The following OTUD7A variants were observed in gnomAD, a reference collection of about 807,000 sequenced individuals.
The protein encoded by OTUD7A is OTU domain-containing protein 7A.
OTUD7A carries 12 observed loss-of-function variants against 65.7 expected under a neutral mutation model. That is an observed-to-expected ratio of 0.18 (90% CI 0.12 to 0.30). The LOEUF (loss-of-function observed/expected upper bound fraction) is 0.30, where lower values mean the gene tolerates loss of function less well. OTUD7A is among the 10% of genes least tolerant of loss of function. The pLI is 1.00. For missense variants in OTUD7A, 1,148 were observed against 1,304.8 expected, an observed-to-expected ratio of 0.88 and a Z score of 1.85; for synonymous variants, 641 against 586.3, an observed-to-expected ratio of 1.09 and a Z score of -1.35.
intron 1 of OTUD7A, among the ~76,000 whole-genome samples, chr15:31,694,199 G>A (rs1349588058): frequency 9.2e-5 from 14 of 152,152 alleles, no homozygotes; most frequent in African/African-American, 2.4e-4. Context: ...CCCACGCAGC[G>A]CAGGTGTGTG....
At chr15:31,576,584 T>C (rs1478709628) in intron 3 of OTUD7A, among the ~76,000 whole-genome samples, 11 of 152,184 alleles carry the variant, frequency 7.2e-5, no homozygotes, top group Non-Finnish European at 1.2e-4. Context: ...CATGTCTCCC[T>C]AAAGTGTATA....
intron 5 of OTUD7A, chr15:31,557,383 CCTT>C (rs756387059): frequency 6.6e-5 from 10 of 152,308 alleles, no homozygotes; most frequent in Non-Finnish European, 1.5e-4. Flanking sequence ...TACCGTCTAT[CCTT>C]CTCCATGCTG....
intron 1 of OTUD7A, among the ~76,000 whole-genome samples, chr15:31,694,608 A>C (rs1488218668): frequency 1.3e-5 from 2 of 151,996 alleles, no homozygotes; most frequent in Admixed American, 6.5e-5. Flanking sequence ...CCTTTGACCA[A>C]CATCTCAACC....
chr15:31,727,776 C>T (rs1463066254), intron 1 of OTUD7A, among the ~76,000 whole-genome samples: 1 of 152,174 alleles, frequency 6.6e-6, no homozygotes, highest in African/African-American at 2.4e-5. Context: ...CTTCCTTGAA[C>T]ATTCTCCTCT....
intron 3 of OTUD7A, among the ~76,000 whole-genome samples, chr15:31,653,121 C>T (rs1217095835): frequency 5.9e-5 from 9 of 151,706 alleles, no homozygotes; most frequent in Non-Finnish European, 1.0e-4. Context: ...TGGTGATGCG[C>T]GGCTGTAATC....
At chr15:31,647,330 G>A (rs2141269218) in intron 3 of OTUD7A, among the ~76,000 whole-genome samples, 1 of 152,332 alleles carries the variant, frequency 6.6e-6, no homozygotes, top group African/African-American at 2.4e-5. Context: ...CGTGAATTCT[G>A]CTAAATCAGT....
chr15:31,489,113 CTA>C (rs1160722771), intron 10 of OTUD7A, among the ~76,000 whole-genome samples: 1 of 152,108 alleles, frequency 6.6e-6, no homozygotes, highest in Non-Finnish European at 1.5e-5. Context: ...TCCCATAGTT[CTA>C]TGAGTCACTA....
chr15:31,519,011 G>C (rs971619481), intron 8 of OTUD7A, among the ~76,000 whole-genome samples: 2 of 152,258 alleles, frequency 1.3e-5, no homozygotes, highest in Non-Finnish European at 2.9e-5. Flanking sequence ...CCTTCTAGCA[G>C]TGGCCAGTGT....
At position 31,719,398 on chromosome 15, in the gene OTUD7A, A is replaced by G. The variant is rs537418127; in HGVS notation, c.-99-62321T>C. ...TTCCTTGCAAATCAAACTCTCCTGT[A>G]ATCTTCCACATCTCTGATCAGGGCA... is the stretch of plus-strand genomic sequence containing the variant. On this transcript the variant is annotated intron_variant, in intron 1 of 12. Transcript: ENST00000307050. 8.1e-3 allele frequency among the ~76,000 whole-genome samples: 1,233 copies of G among 152,004 alleles called. 14 individuals carry two copies. Among genetic ancestry groups the G allele is most frequent in the African/African-American group, 0.028 (1,177 of 41,390 alleles).
intron 4 of OTUD7A, among the ~76,000 whole-genome samples, chr15:31,561,277 T>C (rs1888679812): frequency 6.6e-6 from 1 of 152,202 alleles, no homozygotes. Context: ...GGTCCTTGAG[T>C]GCAGGAGCAG....
At chr15:31,604,500 G>A (rs989336169) in intron 3 of OTUD7A, among the ~76,000 whole-genome samples, 2 of 152,148 alleles carry the variant, frequency 1.3e-5, no homozygotes, top group African/African-American at 2.4e-5. Context: ...TGTAGATGAC[G>A]GGTTGATGGG....
chr15:31,714,116 T>C (rs919052332), intron 1 of OTUD7A, among the ~76,000 whole-genome samples: 2 of 146,186 alleles, frequency 1.4e-5, no homozygotes, highest in African/African-American at 4.9e-5. Context: ...GCCAGTACTT[T>C]CAGCACTCGG....
At chr15:31,736,016 T>C (rs536984901) in intron 1 of OTUD7A, among the ~76,000 whole-genome samples, 3 of 152,112 alleles carry the variant, frequency 2.0e-5, no homozygotes, top group Non-Finnish European at 4.4e-5. Context: ...ATGATGAGAA[T>C]ACATGGACAC....
At chr15:31,501,862 G>C (rs2141081795) in intron 9 of OTUD7A, 23 bp from the exon 10 acceptor site, 2 of 1,591,560 alleles carry the variant, frequency 1.3e-6, no homozygotes, top group Non-Finnish European at 1.7e-6. Context: ...ACCAGGGTGA[G>C]GGTGTGAGGA....
intron 4 of OTUD7A, among the ~76,000 whole-genome samples, chr15:31,561,784 T>TCACACACACACACACACACACA (rs3075495): frequency 1.1e-4 from 17 of 150,526 alleles, no homozygotes; most frequent in African/African-American, 4.1e-4. Flanking sequence ...ACACACAGAG[T>TCACACACACACACACACACACA]CACACACACA....
intron 1 of OTUD7A, among the ~76,000 whole-genome samples, chr15:31,802,145 A>G (rs1239736037): frequency 6.9e-6 from 1 of 144,428 alleles, no homozygotes; most frequent in African/African-American, 2.5e-5. Flanking sequence ...GTGTGTGTAT[A>G]TATATATATG....
At chr15:31,760,573 A>G (rs1034345215) in intron 1 of OTUD7A, among the ~76,000 whole-genome samples, 5 of 152,230 alleles carry the variant, frequency 3.3e-5, no homozygotes, top group Non-Finnish European at 7.4e-5. Flanking sequence ...GTTGCTGTTA[A>G]AAGATATCCC....
At chr15:31,517,435 G>C (rs1321458655) in intron 8 of OTUD7A, among the ~76,000 whole-genome samples, 1 of 152,210 alleles carries the variant, frequency 6.6e-6, no homozygotes, top group South Asian at 2.1e-4. Context: ...CTTCTTGTGA[G>C]TTTGCTGAGC....
chr15:31,743,953 T>C (rs1012593144), intron 1 of OTUD7A, among the ~76,000 whole-genome samples: 1 of 152,070 alleles, frequency 6.6e-6, no homozygotes, highest in African/African-American at 2.4e-5. Flanking sequence ...ATTCTACACA[T>C]ATAAAAAGAA....
Sources: gnomAD v4.1 joint callset for allele counts (sites outside exome capture counted in the v4.1 genomes callset) on GRCh38, gnomAD v4.1.1 for gene constraint, MANE v1.5 for transcripts, NCBI Gene and HGNC (gene_info 2026-07-23, HGNC 2026-07-21) for gene names.